The following ABCA12 variants were observed in gnomAD, a reference collection of about 807,000 sequenced individuals.
The protein encoded by ABCA12 is glucosylceramide transporter ABCA12.
Under a neutral mutation model 293.5 loss-of-function variants are expected in ABCA12, and 156 were observed. The observed-to-expected ratio is 0.53, with a 90% CI of 0.47 to 0.61. The LOEUF (loss-of-function observed/expected upper bound fraction) is 0.61. ABCA12 is among the 20% of genes least tolerant of loss of function. ABCA12 has a pLI of 0.00. For missense variants in ABCA12, 2,797 were observed against 3,090.2 expected, an observed-to-expected ratio of 0.91 and a Z score of 2.25; for synonymous variants, 1,063 against 1,108.0, an observed-to-expected ratio of 0.96 and a Z score of 0.81.
intron 6 of ABCA12, among the ~76,000 whole-genome samples, chr2:215,048,332 A>G (rs1354330648): frequency 6.6e-6 from 1 of 152,134 alleles, no homozygotes; most frequent in Non-Finnish European, 1.5e-5. Context: ...ACCCAGCAGA[A>G]TATAAATTAT....
chr2:215,031,482 A>G (rs1700876173), intron 9 of ABCA12, among the ~76,000 whole-genome samples: 1 of 152,160 alleles, frequency 6.6e-6, no homozygotes, highest in Admixed American at 6.5e-5. Context: ...AGATACTTAC[A>G]CACTGTTTGT....
chr2:215,065,286 G>A (rs564960226), intron 2 of ABCA12, among the ~76,000 whole-genome samples: 8 of 59,800 alleles, frequency 1.3e-4, no homozygotes, highest in South Asian at 6.0e-4. Flanking sequence ...TTTAATCTCC[G>A]CATGAATGTG....
At chr2:215,040,431 G>A (rs1701075381) in intron 7 of ABCA12, among the ~76,000 whole-genome samples, 1 of 151,814 alleles carries the variant, frequency 6.6e-6, no homozygotes, top group South Asian at 2.1e-4. Context: ...ACAGCTGTCA[G>A]GATGCATATT....
Position 215,025,749 on chromosome 2 carries a change from C to T in ABCA12, c.1211G>A (p.Arg404Gln), listed in dbSNP as rs752328328. 22 of 1,611,052 alleles carry T rather than the reference C, an allele frequency of 1.4e-5. No homozygotes were observed. Among genetic ancestry groups the T allele is most frequent in the African/African-American group, 5.4e-5 (4 of 74,444 alleles). ...ENLRLLQSTIRFKKSFLRNGS... is the reference protein window; with the variant it reads ...ENLRLLQSTIQFKKSFLRNGS... ...ATTGCGAAGAAAAGATTTTTTAAAT[C>T]GTATTGTGGACTGCAGGAGTCTTAG... The change falls in exon 11 of 53, where the codon CGA becomes CAA. Residue 404 changes from arginine to glutamine, a missense_variant. Physicochemically the swap from Arg to Gln is conservative, Grantham distance 43 (BLOSUM62 1). Around this residue, in one of 3 missense-constraint regions of ABCA12, gnomAD observed 656 missense variants for 638.2 expected, o/e 1.03. Transcript: ENST00000272895.
At chr2:214,946,440 T>C (rs1698585135) in intron 48 of ABCA12, among the ~76,000 whole-genome samples, 1 of 152,164 alleles carries the variant, frequency 6.6e-6, no homozygotes, top group Non-Finnish European at 1.5e-5. Context: ...ACATTTGTTA[T>C]TTCACAGAGG....
intron 7 of ABCA12, among the ~76,000 whole-genome samples, chr2:215,041,530 C>T (rs552300789): frequency 1.7e-4 from 24 of 141,534 alleles, no homozygotes; most frequent in South Asian, 1.5e-3. Context: ...CCAGCCTGGG[C>T]GACAGAGCGA....
intron 3 of ABCA12, among the ~76,000 whole-genome samples, chr2:215,055,889 A>G (rs1384338530): frequency 1.3e-5 from 2 of 152,068 alleles, no homozygotes; most frequent in Non-Finnish European, 2.9e-5. Flanking sequence ...AAAATTGTTC[A>G]GGTAAAAATA....
At chr2:215,012,979 T>G (rs865877493) in intron 15 of ABCA12, 13 of 152,362 alleles carry the variant, frequency 8.5e-5, no homozygotes, top group African/African-American at 3.1e-4. Flanking sequence ...ATAATGCTTA[T>G]GTGCTACAAG....
At chr2:214,993,649 T>C (rs1279072153) in intron 23 of ABCA12, among the ~76,000 whole-genome samples, 2 of 152,344 alleles carry the variant, frequency 1.3e-5, no homozygotes, top group Non-Finnish European at 2.9e-5. Flanking sequence ...ATGTAGCCTA[T>C]ACAAACATAT....
chr2:214,951,183 G>T, intron 44 of ABCA12, 100 bp from the exon 45 acceptor site: 3 of 1,022,198 alleles, frequency 2.9e-6, no homozygotes, highest in African/African-American at 3.2e-5. Context: ...CAGTGTACTA[G>T]TCATCATTAG....
chr2:214,984,324 C>T (rs1166873078), intron 28 of ABCA12, among the ~76,000 whole-genome samples: 3 of 152,108 alleles, frequency 2.0e-5, no homozygotes, highest in African/African-American at 7.2e-5. Context: ...TCTCGATCTC[C>T]TGACCTCGTG....
chr2:214,975,124 C>A (rs182772936), intron 34 of ABCA12, among the ~76,000 whole-genome samples: 119 of 152,252 alleles, frequency 7.8e-4, no homozygotes, highest in African/African-American at 2.6e-3. Context: ...GCCACCAGGC[C>A]TGGCTAATTT....
At position 215,011,516 on chromosome 2, in the gene ABCA12, T is replaced by G. The variant is rs576619663; in HGVS notation, c.2255A>C (p.Asn752Thr). 1 of 1,614,104 alleles carries G rather than the reference T, an allele frequency of 6.2e-7. No homozygotes were observed. Among genetic ancestry groups the G allele is most frequent in the South Asian group, 1.1e-5 (1 of 91,084 alleles). Reference sequence around the variant, plus strand: ...ATAAGTCAAAAAATCCTTGGTGTGGTTGCCTTTTGGCCTCTGGGAAGAGGG... The same window carrying G: ...ATAAGTCAAAAAATCCTTGGTGTGGGTGCCTTTTGGCCTCTGGGAAGAGGG... Reference protein sequence around the residue: ...MLPSSQRPKGNHTKDFLTYKL... With the variant: ...MLPSSQRPKGTHTKDFLTYKL... The change falls in exon 17 of 53, where the codon AAC becomes ACC. Residue 752 changes from asparagine (N) to threonine (T), a missense_variant. Asn to Thr is a moderately conservative substitution (Grantham distance 65). Transcript: ENST00000272895.
chr2:214,944,694 T>G (rs1698520837), intron 49 of ABCA12, among the ~76,000 whole-genome samples: 1 of 151,862 alleles, frequency 6.6e-6, no homozygotes, highest in Admixed American at 6.6e-5. Context: ...TCATGAGAAA[T>G]TCGATGTTAA....
chr2:215,065,112 G>A (rs1191066120), intron 2 of ABCA12, among the ~76,000 whole-genome samples: 2 of 151,622 alleles, frequency 1.3e-5, no homozygotes, highest in African/African-American at 4.8e-5. Context: ...AAAATACGAT[G>A]ATGGCATACA....
chr2:215,084,040 T>A (rs1363127712), intron 2 of ABCA12, among the ~76,000 whole-genome samples: 1 of 152,080 alleles, frequency 6.6e-6, no homozygotes, highest in East Asian at 1.9e-4. Context: ...TACAGTGACA[T>A]GATCATAGCT....
chr2:215,034,979 A>G (rs1225080991), intron 8 of ABCA12, among the ~76,000 whole-genome samples: 1 of 152,182 alleles, frequency 6.6e-6, no homozygotes, highest in East Asian at 1.9e-4. Context: ...AAGGATGTTC[A>G]TTTTCAAAAA....
intron 2 of ABCA12, among the ~76,000 whole-genome samples, chr2:215,071,137 C>T (rs1306399747): frequency 6.6e-6 from 1 of 150,980 alleles, no homozygotes; most frequent in South Asian, 2.1e-4. Flanking sequence ...TTCAAGGCTG[C>T]AGTGAGCCAT....
intron 9 of ABCA12, chr2:215,029,059 G>A (rs1700813618): frequency 6.6e-6 from 1 of 152,128 alleles, no homozygotes; most frequent in Non-Finnish European, 1.5e-5. Context: ...TTTGGGAAGA[G>A]GAGGGTAGAA....
Sources: allele counts gnomAD v4.1 joint callset (sites outside exome capture counted in the v4.1 genomes callset), GRCh38; gene constraint gnomAD v4.1.1; regional missense constraint gnomAD v4.1.1; transcripts MANE v1.5; gene names NCBI Gene and HGNC (gene_info 2026-07-23, HGNC 2026-07-21).